Variants in C1orf105 observed in about 807,000 individuals in gnomAD.
The protein encoded by C1orf105 is uncharacterized protein C1orf105.
In C1orf105, 17 loss-of-function variants were observed where a neutral mutation model predicts 20.8. The observed-to-expected ratio is 0.82, with a 90% CI of 0.56 to 1.23. The LOEUF (loss-of-function observed/expected upper bound fraction) is 1.23. Ranked by LOEUF, C1orf105 falls within the 50% of genes most tolerant of loss-of-function variation. C1orf105 has a pLI of 0.00. For missense variants in C1orf105, 219 were observed against 213.5 expected (o/e 1.03, Z -0.16); for synonymous variants, 72 against 72.1 (o/e 1.00, Z 0.01).
chr1:172,468,491 C>T lies in C1orf105; in HGVS notation c.449C>T (p.Ala150Val), dbSNP rs1272485147. 6.2e-7 allele frequency: 1 copy of T among 1,613,936 alleles called. No homozygotes were observed. Among genetic ancestry groups the T allele is most frequent in the Admixed American group, 1.7e-5 (1 of 60,014 alleles). ...YRLPILGPRTAVFHGLLTEAY... is the reference protein window; with the variant it reads ...YRLPILGPRTVVFHGLLTEAY... ...CTGCCCATTCTGGGCCCCAGGACAGCTGTCTTCCACGGATTACTGACAGAG... is the reference window on the plus strand; with the variant it reads ...CTGCCCATTCTGGGCCCCAGGACAGTTGTCTTCCACGGATTACTGACAGAG... Residue 150 changes from alanine to valine, a missense_variant, in exon 7 of 7, where the codon GCT (alanine) becomes GTT (valine). Transcript: ENST00000367727.
intron 3 of C1orf105, among the ~76,000 whole-genome samples, chr1:172,454,201 C>A (rs1006959642): frequency 1.3e-5 from 2 of 152,110 alleles, no homozygotes; most frequent in South Asian, 4.1e-4. Context: ...CCATATCTGC[C>A]TCCCCTTGTC....
chr1:172,459,675 A>G (rs989478171), intron 4 of C1orf105, among the ~76,000 whole-genome samples: 1 of 152,172 alleles, frequency 6.6e-6, no homozygotes, highest in East Asian at 1.9e-4. Context: ...CAGAGTTACC[A>G]TATGACCCAG....
intron 1 of C1orf105, among the ~76,000 whole-genome samples, chr1:172,432,083 CG>C (rs968034809): frequency 2.6e-5 from 4 of 152,176 alleles, no homozygotes; most frequent in Non-Finnish European, 4.4e-5. Flanking sequence ...ACAAAGCAGC[CG>C]GGAAGCTCAA....
intron 4 of C1orf105, among the ~76,000 whole-genome samples, chr1:172,461,383 G>C (rs1248600074): frequency 6.6e-6 from 1 of 152,204 alleles, no homozygotes; most frequent in Non-Finnish European, 1.5e-5. Flanking sequence ...AAGTCACTTA[G>C]TGAGTAGAGT....
chr1:172,429,219 A>AATAT (rs901481851), intron 1 of C1orf105, among the ~76,000 whole-genome samples: 34 of 102,218 alleles, frequency 3.3e-4, no homozygotes, highest in African/African-American at 1.1e-3. Context: ...AGTAAATACA[A>AATAT]ATATACACAC....
At position 172,445,140 on chromosome 1, in the gene C1orf105, T is replaced by C. The variant is rs1362313965; in HGVS notation, c.89T>C (p.Val30Ala). 74 of 1,612,272 alleles carry C rather than the reference T, an allele frequency of 4.6e-5. No individual in the cohort carries two copies. The highest frequency in any genetic ancestry group is 1.6e-4 in the Middle Eastern group (1 of 6,080). The change falls in exon 2 of 7, where the codon GTG (valine) becomes GCG (alanine). Residue 30 changes from valine (V) to alanine (A), a missense_variant. Coordinates refer to ENST00000367727, the MANE Select transcript of C1orf105 (RefSeq NM_139240.4). ...SEASLVNKPL[V>A]LSLPRRYPHT... is the part of the protein sequence containing the mutation. ...GCCAGCCTTGTAAACAAGCCATTAG[T>C]GCTCAGCCTTCCCAGAAGGTAACCT...
intron 1 of C1orf105, chr1:172,442,640 T>C: frequency 1.3e-6 from 2 of 1,595,858 alleles, no homozygotes; most frequent in Non-Finnish European, 1.7e-6. Context: ...TCATTCAAAC[T>C]CAGGCCAGTT....
chr1:172,455,910 G>C (rs149206829), intron 3 of C1orf105, among the ~76,000 whole-genome samples: 2 of 152,142 alleles, frequency 1.3e-5, no homozygotes, highest in African/African-American at 4.8e-5. Context: ...GTTAAGGCAT[G>C]AGAAAGGAAG....
At chr1:172,441,838 G>C (rs1225529836) in intron 1 of C1orf105, 2 of 1,614,048 alleles carry the variant, frequency 1.2e-6, no homozygotes, top group Non-Finnish European at 1.7e-6. Context: ...ACACAGACAT[G>C]AGATAGACAT....
rs541560588 is a variant in C1orf105 at position 172,468,678 on chromosome 1, A to G, written c.*84A>G. The stretch of plus-strand genomic sequence containing the variant: ...TCTTTGACACTGGCACCTTCTCCTC[A>G]CAATTTTCTCTCTTCTCCCAAAAGA... On this transcript the variant is annotated 3_prime_UTR_variant, in exon 7 of 7. Transcript: ENST00000367727. 114 of 1,420,014 alleles carry G rather than the reference A, an allele frequency of 8.0e-5. No individual in the cohort carries two copies. The East Asian group carries it at 2.4e-3, about 30-fold the overall frequency. 88.0% of individuals were successfully genotyped at this position (1,420,014 alleles called of 1,614,324 possible).
rs761105140 is a variant in C1orf105 at position 172,453,083 on chromosome 1, C to G, written c.199-3332C>G. 13 of 1,550,582 alleles carry G rather than the reference C, an allele frequency of 8.4e-6. No individual in the cohort carries two copies. The African/African-American group carries it at 1.6e-4, about 20-fold the overall frequency. The stretch of plus-strand genomic sequence containing the variant: ...AATGTTTGCGTCGCCTTTAAAGTAG[C>G]CTGTCACAGCTGCCTTCCACGACTC... On this transcript the variant is annotated intron_variant, in intron 3 of 6. Coordinates refer to ENST00000367727, the MANE Select transcript of C1orf105 (RefSeq NM_139240.4).
At chr1:172,452,843 G>A in intron 3 of C1orf105, 1 of 1,417,854 alleles carries the variant, frequency 7.1e-7, no homozygotes, top group Non-Finnish European at 9.2e-7. Flanking sequence ...TAACATTCCA[G>A]TGCCTCTGGC....
intron 5 of C1orf105, among the ~76,000 whole-genome samples, chr1:172,462,605 C>T (rs1056436581): frequency 6.6e-6 from 1 of 152,178 alleles, no homozygotes; most frequent in African/African-American, 2.4e-5. Flanking sequence ...CATAATCTTT[C>T]CTTAGTCCAA....
At chr1:172,433,699 C>T (rs765850507) in intron 1 of C1orf105, among the ~76,000 whole-genome samples, 11 of 152,146 alleles carry the variant, frequency 7.2e-5, no homozygotes, top group East Asian at 5.8e-4. Context: ...CATCAATTAA[C>T]GGGCAAGATA....
chr1:172,451,867 C>CTTTTTTTTTTT (rs11462736), intron 3 of C1orf105, among the ~76,000 whole-genome samples: 1 of 85,196 alleles, frequency 1.2e-5, no homozygotes, highest in Admixed American at 1.8e-4. Flanking sequence ...TATATGGATT[C>CTTTTTTTTTTT]TTTTTTTTTT....
intron 3 of C1orf105, among the ~76,000 whole-genome samples, chr1:172,453,593 C>T (rs1350549113): frequency 6.6e-6 from 1 of 152,010 alleles, no homozygotes; most frequent in African/African-American, 2.4e-5. Flanking sequence ...ATTCATTTGC[C>T]CAATGTTTGT....
Position 172,468,560 on chromosome 1 carries a change from G to A in C1orf105, c.518G>A (p.Arg173Lys), listed in dbSNP as rs1650230795. ...LKERQRSSLP[R>K]KEPIGKTTRQ is the part of the protein sequence containing the mutation. The stretch of plus-strand genomic sequence containing the variant: ...GAGAGACAACGTTCTTCCTTGCCCA[G>A]AAAGGAACCAATAGGCAAGACAACG... Residue 173 changes from arginine to lysine, a missense_variant, in exon 7 of 7, where the codon AGA becomes AAA. Coordinates refer to ENST00000367727, the MANE Select transcript of C1orf105 (RefSeq NM_139240.4). 1 of 1,613,886 alleles carries A rather than the reference G, an allele frequency of 6.2e-7. No homozygotes were observed. The highest frequency in any genetic ancestry group is 1.7e-5 in the Admixed American group (1 of 60,010).
In C1orf105 at chr1:172,428,794, A is replaced by G. The variant is rs567576472; in HGVS notation, c.21+7888A>G. ...GAACCTTTGTCCTTTTTATTTACAG[A>G]TATATTCCAAGCACACAGAACAGTA... On this transcript the variant is annotated intron_variant, in intron 1 of 6. Coordinates refer to ENST00000367727, the MANE Select transcript of C1orf105 (RefSeq NM_139240.4). 6 of 699,068 alleles carry G rather than the reference A, an allele frequency of 8.6e-6. No individual in the cohort carries two copies. The South Asian group carries it at 9.0e-5, about 10-fold the overall frequency. The allele number at this position is 699,068 out of a possible 1,614,324, so 43.3% of individuals were successfully genotyped here.
intron 1 of C1orf105, among the ~76,000 whole-genome samples, chr1:172,439,246 T>C (rs1169618728): frequency 6.6e-6 from 1 of 152,194 alleles, no homozygotes; most frequent in Non-Finnish European, 1.5e-5. Context: ...TATCTAGTTT[T>C]ATCACATCTC....
Sources: allele counts gnomAD v4.1 joint callset (sites outside exome capture counted in the v4.1 genomes callset), GRCh38; gene constraint gnomAD v4.1.1; transcripts MANE v1.5; gene names NCBI Gene and HGNC (gene_info 2026-07-23, HGNC 2026-07-21).